The following IRF2 variants were observed in gnomAD, a reference collection of about 807,000 sequenced individuals.
IRF2 encodes interferon regulatory factor 2.
IRF2 carries 15 observed loss-of-function variants against 40.6 expected under a neutral mutation model. The observed-to-expected ratio is 0.37, with a 90% CI of 0.25 to 0.57. The LOEUF is 0.57. Among genes scored for constraint, IRF2 ranks in the 20% least tolerant of loss-of-function variants. IRF2 has a pLI of 0.77. For missense variants in IRF2, 317 were observed against 455.7 expected, an observed-to-expected ratio of 0.70 and a Z score of 2.77; for synonymous variants, 151 against 165.5, an observed-to-expected ratio of 0.91 and a Z score of 0.67.
intron 2 of IRF2, among the ~76,000 whole-genome samples, chr4:184,427,025 G>A (rs190961152): frequency 2.8e-3 from 424 of 152,310 alleles, no homozygotes; most frequent in Non-Finnish European, 5.2e-3. Flanking sequence ...TAAGTGCTGA[G>A]TACAAGTCAG....
At chr4:184,452,770 C>CAAAAAAAAAAAAAAAAAAAAAAAAAAAAA (rs530415114) in intron 1 of IRF2, among the ~76,000 whole-genome samples, 3 of 53,824 alleles carry the variant, frequency 5.6e-5, no homozygotes, top group African/African-American at 1.6e-4. Context: ...GACCCTGTCT[C>CAAAAAAAAAAAAAAAAAAAAAAAAAAAAA]AAAAAAAAAA....
At chr4:184,400,591 C>T (rs1338799281) in intron 6 of IRF2, among the ~76,000 whole-genome samples, 2 of 152,188 alleles carry the variant, frequency 1.3e-5, no homozygotes, top group African/African-American at 4.8e-5. Context: ...AATGCAATTG[C>T]TGAGTCATAT....
At chr4:184,442,727 A>T (rs559219034) in intron 1 of IRF2, among the ~76,000 whole-genome samples, 164 of 152,042 alleles carry the variant, frequency 1.1e-3, no homozygotes, top group African/African-American at 3.7e-3. Flanking sequence ...TCCCACTCTA[A>T]AAATGACCTC....
chr4:184,454,938 C>T (rs79121862), intron 1 of IRF2, among the ~76,000 whole-genome samples: 3 of 152,160 alleles, frequency 2.0e-5, no homozygotes, highest in Admixed American at 1.3e-4. Flanking sequence ...AACAGTAGGG[C>T]CCGTGCTCCA....
At position 184,413,773 on chromosome 4, in the gene IRF2, C is replaced by A. The variant is rs1737161391; in HGVS notation, c.411+4394G>T. Among the ~76,000 whole-genome samples, 1 of 152,208 alleles carries A rather than the reference C, an allele frequency of 6.6e-6. No homozygotes were observed. Among genetic ancestry groups the A allele is most frequent in the African/African-American group, 2.4e-5 (1 of 41,454 alleles). On this transcript the variant is annotated intron_variant, in intron 5 of 8. Coordinates refer to ENST00000393593, the MANE Select transcript of IRF2 (RefSeq NM_002199.4). This position sits in a 1 kb window ranked among gnomAD's most constrained non-coding sequence, Gnocchi z 4.2. ...GTTTCAAGCATGTATGTTTCAGCTG[C>A]AAACAACCCTCCGAAGCAGGAAGTA... is the stretch of plus-strand genomic sequence containing the variant.
Position 184,448,942 on chromosome 4 carries a change from G to A in IRF2, c.-6-19872C>T, listed in dbSNP as rs1183390590. 6.6e-6 allele frequency: 1 copy of A among 152,252 alleles called. No individual in the cohort carries two copies. The highest frequency in any genetic ancestry group is 1.5e-5 in the Non-Finnish European group (1 of 68,080). 9.4% of individuals were successfully genotyped at this position (152,252 alleles called of 1,614,324 possible). On this transcript the variant is annotated intron_variant, in intron 1 of 8. Coordinates refer to ENST00000393593, the MANE Select transcript of IRF2 (RefSeq NM_002199.4). The surrounding 1 kb of genome is among the most constrained non-coding windows in gnomAD (Gnocchi z 4.3). ...CTCGACGTGTGCAAGACGGAAGCCT[G>A]AACAACTGTCAGTTCCACTTGCTCG... is the stretch of plus-strand genomic sequence containing the variant.
At chr4:184,469,179 T>C (rs571914375) in intron 1 of IRF2, among the ~76,000 whole-genome samples, 2 of 152,292 alleles carry the variant, frequency 1.3e-5, no homozygotes, top group Non-Finnish European at 2.9e-5. Context: ...ACCAAGTTAT[T>C]GATGGAGGGT....
intron 2 of IRF2, among the ~76,000 whole-genome samples, chr4:184,421,093 G>C (rs1279293531): frequency 1.3e-5 from 2 of 152,204 alleles, no homozygotes; most frequent in African/African-American, 4.8e-5. Context: ...TGCACTAGAT[G>C]CTGAGGAAGG....
rs760241165 is a variant in IRF2, at chr4:184,444,349, T to C, written c.-6-15279A>G. 1.3e-5 allele frequency among the ~76,000 whole-genome samples: 2 copies of C among 152,158 alleles called. 1 individual carries two copies. The highest frequency in any genetic ancestry group is 2.9e-5 in the Non-Finnish European group (2 of 68,026). The stretch of plus-strand genomic sequence containing the variant: ...GCCATTCAGGTCTCCATCCGGCAAC[T>C]ATAGCCACTTCCCAGGGCACTGCTT... On this transcript the variant is annotated intron_variant, in intron 1 of 8. Transcript: ENST00000393593.
chr4:184,446,038 TAG>T (rs200196523), intron 1 of IRF2, among the ~76,000 whole-genome samples: 1,638 of 152,212 alleles, frequency 0.011, 57 homozygotes, highest in East Asian at 0.075. Context: ...AGGCAGGCAT[TAG>T]AGTGACTCCT....
intron 1 of IRF2, among the ~76,000 whole-genome samples, chr4:184,447,955 G>A (rs72703792): frequency 0.026 from 3,975 of 152,254 alleles, 74 homozygotes; most frequent in Non-Finnish European, 0.039. Context: ...CTCACACAGC[G>A]GTGCTAGTTT....
chr4:184,469,144 A>G (rs1739430822), intron 1 of IRF2, among the ~76,000 whole-genome samples: 1 of 152,220 alleles, frequency 6.6e-6, no homozygotes. Flanking sequence ...AAATAATTGC[A>G]TGGGGTCCCT....
chr4:184,388,330 T>A lies in IRF2; in HGVS notation c.*428A>T, dbSNP rs1579780485. On this transcript the variant is annotated 3_prime_UTR_variant, in exon 9 of 9. Transcript: ENST00000393593. The surrounding 1 kb of genome is among the most constrained non-coding windows in gnomAD (Gnocchi z 4.6). ...GCAAGATCACAAGAAGGCCTATCTGTAAGTGCTTTAAGATAAGGTGCAGAA... is the reference window on the plus strand; with the variant it reads ...GCAAGATCACAAGAAGGCCTATCTGAAAGTGCTTTAAGATAAGGTGCAGAA... 1.2e-5 allele frequency: 2 copies of A among 167,982 alleles called. No individual in the cohort carries two copies. Among genetic ancestry groups the A allele is most frequent in the Admixed American group, 6.3e-5 (1 of 15,924 alleles). 10.4% of individuals were successfully genotyped at this position (167,982 alleles called of 1,614,324 possible). A position where few individuals can be genotyped will look rare whatever the true frequency, so the allele number is the denominator to read the frequency against.
intron 1 of IRF2, among the ~76,000 whole-genome samples, chr4:184,442,702 TG>T (rs1738356903): frequency 6.6e-6 from 1 of 152,058 alleles, no homozygotes; most frequent in Non-Finnish European, 1.5e-5. Context: ...CACTTCGTTA[TG>T]GGGCCGTTTT....
chr4:184,434,211 C>A (rs189186536), intron 1 of IRF2, among the ~76,000 whole-genome samples: 2 of 152,202 alleles, frequency 1.3e-5, no homozygotes, highest in East Asian at 1.9e-4. Flanking sequence ...TGACACAGAG[C>A]GGCTATGTTT....
intron 6 of IRF2, chr4:184,407,160 CA>C (rs1186554664): frequency 5.4e-6 from 7 of 1,286,728 alleles, no homozygotes; most frequent in Non-Finnish European, 6.1e-6. Flanking sequence ...GGTTTAAATA[CA>C]AAAAAAGCAC....
chr4:184,393,612 T>C (rs1014939319), intron 7 of IRF2, among the ~76,000 whole-genome samples: 4 of 152,168 alleles, frequency 2.6e-5, no homozygotes, highest in Non-Finnish European at 4.4e-5. Flanking sequence ...TTCGGGGAAA[T>C]AGCTGCAGAT....
intron 6 of IRF2, among the ~76,000 whole-genome samples, chr4:184,401,548 T>C (rs557106570): frequency 6.6e-6 from 1 of 152,308 alleles, no homozygotes; most frequent in South Asian, 2.1e-4. Context: ...TGGATTATCC[T>C]ACGTGAGGGT....
At chr4:184,415,021 C>CT (rs1737213252) in intron 5 of IRF2, among the ~76,000 whole-genome samples, 1 of 152,202 alleles carries the variant, frequency 6.6e-6, no homozygotes, top group Admixed American at 6.5e-5. Flanking sequence ...TAATTGTCCT[C>CT]TGACTTTCCA....
Sources: allele counts gnomAD v4.1 joint callset (sites outside exome capture counted in the v4.1 genomes callset), GRCh38; gene constraint gnomAD v4.1.1; non-coding constraint Gnocchi (gnomAD v3.1); transcripts MANE v1.5; gene names NCBI Gene and HGNC (gene_info 2026-07-23, HGNC 2026-07-21).